Variants in GSTM4 observed in about 807,000 individuals in gnomAD.
The protein encoded by GSTM4 is glutathione S-transferase mu 4, also known as GST class-mu 4.
In GSTM4, 27 loss-of-function variants were observed where a neutral mutation model predicts 30.1. That is an observed-to-expected ratio of 0.90 (90% CI 0.66 to 1.24). GSTM4 has a LOEUF of 1.24. Among genes scored for constraint, GSTM4 ranks in the 50% most tolerant of loss-of-function variants. The pLI is 0.00. For missense variants in GSTM4, 238 were observed against 272.1 expected, an observed-to-expected ratio of 0.87 and a Z score of 0.88; for synonymous variants, 94 against 96.2, an observed-to-expected ratio of 0.98 and a Z score of 0.13.
At position 109,657,792 on chromosome 1, in the gene GSTM4, A is replaced by G. The variant is rs369755925; in HGVS notation, c.280A>G (p.Lys94Glu). The G allele has an allele frequency of 5.0e-6, 8 of 1,614,010 alleles. No individual in the cohort carries two copies. The highest frequency in any genetic ancestry group is 6.8e-6 in the Non-Finnish European group (8 of 1,180,036). ...HNLCGETEEE[K>E]IRVDILENQA... ...GGCAGGTGGGGAGACAGAAGAGGAG[A>G]AGATTCGTGTGGACATTTTGGAGAA... Residue 94 changes from lysine to glutamate, a missense_variant, in exon 5 of 8, where the codon AAG (lysine) becomes GAG (glutamate). Transcript: ENST00000369836.
chr1:109,666,082 A>C (rs1647312307), downstream of GSTM4, among the ~76,000 whole-genome samples: 1 of 152,126 alleles, frequency 6.6e-6, no homozygotes. Flanking sequence ...CCTTCTTTTT[A>C]AATTTGACTT....
intron 7 of GSTM4, chr1:109,659,681 T>C: frequency 2.8e-6 from 1 of 362,630 alleles, no homozygotes; most frequent in South Asian, 2.3e-5. Context: ...TGGCCAGAGC[T>C]GGATTAGGGT....
chr1:109,665,264 C>A, downstream of GSTM4: 1 of 596,778 alleles, frequency 1.7e-6, no homozygotes, highest in Non-Finnish European at 3.0e-6. Context: ...TCTGCCTATC[C>A]TGGGACCTCC....
chr1:109,664,595 C>T (rs555652661), downstream of GSTM4, among the ~76,000 whole-genome samples: 6 of 151,730 alleles, frequency 4.0e-5, no homozygotes, highest in South Asian at 2.1e-4. Flanking sequence ...CCTGACCTCA[C>T]GTGATTTGCC....
chr1:109,664,521 G>A (rs569520498), downstream of GSTM4, among the ~76,000 whole-genome samples: 117 of 151,424 alleles, frequency 7.7e-4, no homozygotes, highest in African/African-American at 2.7e-3. Flanking sequence ...CACCACCCTC[G>A]GCTAATTTTT....
At chr1:109,662,473 G>A (rs1652353403), downstream of GSTM4, among the ~76,000 whole-genome samples, 2 of 152,210 alleles carry the variant, frequency 1.3e-5, no homozygotes, top group Non-Finnish European at 1.5e-5. Context: ...ACAAATAGTT[G>A]TTGATTTTGT....
chr1:109,662,926 T>G (rs1652363685), downstream of GSTM4, among the ~76,000 whole-genome samples: 1 of 152,202 alleles, frequency 6.6e-6, no homozygotes, highest in East Asian at 1.9e-4. Context: ...AAAAGCAGCT[T>G]TATTTTAAAT....
intron 7 of GSTM4, chr1:109,659,424 G>C (rs1165256722): frequency 7.3e-7 from 1 of 1,361,608 alleles, no homozygotes; most frequent in African/African-American, 1.5e-5. Flanking sequence ...TCTATGGGTG[G>C]CAGTCAGGGC....
chr1:109,659,724 T>TGTTG, intron 7 of GSTM4: 1 of 417,398 alleles, frequency 2.4e-6, no homozygotes. Context: ...AAGGAGTGTA[T>TGTTG]GTTGAAGTGC....
downstream of GSTM4, among the ~76,000 whole-genome samples, chr1:109,662,003 A>T (rs77677721): frequency 0.037 from 5,693 of 152,104 alleles, 174 homozygotes; most frequent in African/African-American, 0.071. Context: ...CATTAAAAAA[A>T]TTTTTGTAGA....
chr1:109,656,653 A>G, intron 1 of GSTM4, 59 bp from the exon 2 acceptor site: 5 of 1,540,680 alleles, frequency 3.2e-6, no homozygotes, highest in Non-Finnish European at 4.5e-6. Context: ...TGGTGCAGAG[A>G]AAGTCACCAA....
intron 5 of GSTM4, chr1:109,658,399 C>T: frequency 4.5e-6 from 1 of 222,870 alleles, no homozygotes; most frequent in South Asian, 8.2e-5. Flanking sequence ...CTCATCTCTC[C>T]AGAAACTACT....
intron 2 of GSTM4, 24 bp from the exon 3 acceptor site, chr1:109,657,191 T>C (rs1464185104): frequency 1.9e-6 from 3 of 1,612,112 alleles, no homozygotes; most frequent in Admixed American, 1.7e-5. Context: ...GAGGTTTGTT[T>C]TCACTTCTTC....
At chr1:109,659,410 T>C in intron 7 of GSTM4, 1 of 1,417,296 alleles carries the variant, frequency 7.1e-7, no homozygotes. Flanking sequence ...TGTGAGCATC[T>C]GGATCTATGG....
At chr1:109,658,332 C>T in intron 5 of GSTM4, 1 of 219,446 alleles carries the variant, frequency 4.6e-6, no homozygotes, top group South Asian at 8.3e-5. Context: ...ACAGGCAGCT[C>T]AGGGGCGGCC....
chr1:109,660,969 C>G lies in GSTM4; in HGVS notation c.568-196C>G, dbSNP rs1570621245. 6.5e-6 allele frequency: 4 copies of G among 617,132 alleles called. No individual in the cohort carries two copies. In the East Asian group the frequency reaches 1.1e-4, roughly 17 times the overall value. 38.2% of individuals were successfully genotyped at this position (617,132 alleles called of 1,614,324 possible). ...ATAAGTGTTAGCTGTTACTGTGGTA[C>G]AACATTACTTAAAGGAAGTTGGAAG... On this transcript the variant is annotated intron_variant, in intron 7 of 7. Transcript: ENST00000369836.
Position 109,659,070 on chromosome 1 carries a change from A to G in GSTM4, c.527A>G (p.Asp176Gly), listed in dbSNP as rs1243354929. Residue 176 changes from aspartate (D) to glycine (G), a missense_variant, in exon 7 of 8, where the codon GAC becomes GGC. Transcript: ENST00000369836. ...LHRIFEPNCLDAFPNLKDFIS... is the reference protein window; with the variant it reads ...LHRIFEPNCLGAFPNLKDFIS... Reference sequence around the variant, plus strand: ...CGTATATTTGAGCCCAACTGCTTGGACGCCTTTCCAAATCTGAAGGACTTC... The same window carrying G: ...CGTATATTTGAGCCCAACTGCTTGGGCGCCTTTCCAAATCTGAAGGACTTC... The G allele has an allele frequency of 5.0e-6, 8 of 1,614,164 alleles. No individual in the cohort carries two copies. In the South Asian group the frequency reaches 5.5e-5, roughly 11 times the overall value.
chr1:109,657,929 T>G, intron 5 of GSTM4, 57 bp downstream of exon 5: 1 of 1,478,604 alleles, frequency 6.8e-7, no homozygotes, highest in South Asian at 1.1e-5. Flanking sequence ...TCTACTCTGG[T>G]CCTATTCACA....
At chr1:109,663,513 A>G (rs1338708825), downstream of GSTM4, among the ~76,000 whole-genome samples, 1 of 152,106 alleles carries the variant, frequency 6.6e-6, no homozygotes, top group Admixed American at 6.5e-5. Context: ...TAAAAATACA[A>G]AAATCAGCCA....
Sources: allele counts gnomAD v4.1 joint callset (sites outside exome capture counted in the v4.1 genomes callset), GRCh38; gene constraint gnomAD v4.1.1; transcripts MANE v1.5; gene names NCBI Gene and HGNC (gene_info 2026-07-23, HGNC 2026-07-21).